ROBO1: variants seen among roughly 807,000 people sequenced by gnomAD.
ROBO1 encodes roundabout guidance receptor 1.
A neutral mutation model predicts 195.9 loss-of-function variants in ROBO1; 149 were observed. The observed-to-expected ratio is 0.76, with a 90% CI of 0.67 to 0.87. The LOEUF (loss-of-function observed/expected upper bound fraction) is 0.87, where lower values mean the gene tolerates loss of function less well. Among genes scored for constraint, ROBO1 ranks in the 40% least tolerant of loss-of-function variants. ROBO1 has a pLI of 0.00. For synonymous variants in ROBO1, 816 were observed against 733.2 expected (o/e 1.11, Z -1.82); for missense variants, 1,933 against 2,068.3 (o/e 0.93, Z 1.27).
At chr3:78,741,641 C>T (rs768153901) in intron 5 of ROBO1, among the ~76,000 whole-genome samples, 7 of 152,066 alleles carry the variant, frequency 4.6e-5, no homozygotes, top group Non-Finnish European at 7.4e-5. Flanking sequence ...TTAAAAATCG[C>T]TCTTTGTGAG....
Position 79,199,742 on chromosome 3 carries a change from T to A in ROBO1, c.89-74203A>T, listed in dbSNP as rs1248325258. 2.0e-5 allele frequency among the ~76,000 whole-genome samples: 3 copies of A among 151,812 alleles called. No individual in the cohort carries two copies. In the East Asian group the frequency reaches 5.8e-4, roughly 29 times the overall value. Reference sequence around the variant, plus strand: ...ACATTTTTAGGATGGGACACATTTTTCTATGTGGCTTGAGGATTCAATCGT... The same window carrying A: ...ACATTTTTAGGATGGGACACATTTTACTATGTGGCTTGAGGATTCAATCGT... On this transcript the variant is annotated intron_variant, in intron 2 of 30. Transcript: ENST00000464233.
chr3:79,677,429 G>A (rs1946816577), intron 1 of ROBO1, among the ~76,000 whole-genome samples: 1 of 151,916 alleles, frequency 6.6e-6, no homozygotes. Flanking sequence ...GAGGAGAAAG[G>A]CACATCGTAT....
intron 1 of ROBO1, among the ~76,000 whole-genome samples, chr3:79,753,733 T>C (rs1704244908): frequency 6.6e-6 from 1 of 152,138 alleles, no homozygotes; most frequent in Admixed American, 6.5e-5. Context: ...AATACACAGC[T>C]TTTGAAACAC....
intron 2 of ROBO1, among the ~76,000 whole-genome samples, chr3:79,224,616 T>C (rs2082194112): frequency 1.3e-5 from 2 of 152,218 alleles, no homozygotes; most frequent in Admixed American, 1.3e-4. Flanking sequence ...CCTCTAACCC[T>C]GGAGGGTCCC....
intron 3 of ROBO1, among the ~76,000 whole-genome samples, chr3:79,062,172 C>A (rs2078930941): frequency 6.6e-6 from 1 of 151,978 alleles, no homozygotes; most frequent in Admixed American, 6.6e-5. Flanking sequence ...ACAAACCCAT[C>A]AAAAAGTGGG....
At chr3:79,489,098 A>T (rs1939311099) in intron 2 of ROBO1, among the ~76,000 whole-genome samples, 1 of 150,110 alleles carries the variant, frequency 6.7e-6, no homozygotes, top group African/African-American at 2.5e-5. Context: ...GAAAATATAC[A>T]TATATAAGTA....
intron 4 of ROBO1, among the ~76,000 whole-genome samples, chr3:78,887,142 TA>T (rs1354387420): frequency 6.6e-6 from 1 of 152,124 alleles, no homozygotes; most frequent in East Asian, 1.9e-4. Context: ...ACAATAAAAT[TA>T]AAATCAGAAC....
intron 3 of ROBO1, among the ~76,000 whole-genome samples, chr3:78,972,702 T>C (rs1338964841): frequency 1.3e-5 from 2 of 152,174 alleles, no homozygotes; most frequent in African/African-American, 4.8e-5. Flanking sequence ...GGTGGCAATT[T>C]TTTGGTGATA....
chr3:79,749,314 G>A (rs560476312), intron 1 of ROBO1, among the ~76,000 whole-genome samples: 1 of 152,308 alleles, frequency 6.6e-6, no homozygotes, highest in African/African-American at 2.4e-5. Context: ...TATGGGTGCT[G>A]TTAAAAGCAT....
At chr3:79,553,781 T>G (rs1204858106) in intron 2 of ROBO1, among the ~76,000 whole-genome samples, 1 of 152,124 alleles carries the variant, frequency 6.6e-6, no homozygotes, top group South Asian at 2.1e-4. Context: ...CACGGGCCCA[T>G]GTTGAAAATT....
At chr3:79,016,980 G>GA (rs1189681524) in intron 3 of ROBO1, among the ~76,000 whole-genome samples, 1 of 152,126 alleles carries the variant, frequency 6.6e-6, no homozygotes, top group Non-Finnish European at 1.5e-5. Flanking sequence ...GCAAACTAAG[G>GA]AAAAATAAGG....
At chr3:79,053,445 A>G (rs1164792521) in intron 3 of ROBO1, among the ~76,000 whole-genome samples, 1 of 151,730 alleles carries the variant, frequency 6.6e-6, no homozygotes, top group Non-Finnish European at 1.5e-5. Context: ...TATATATGCT[A>G]ATTCTTCTCT....
At chr3:78,967,560 A>G (rs2076674667) in intron 3 of ROBO1, among the ~76,000 whole-genome samples, 1 of 152,204 alleles carries the variant, frequency 6.6e-6, no homozygotes, top group Non-Finnish European at 1.5e-5. Flanking sequence ...ACTTGGGAGT[A>G]GGAGACATAC....
chr3:78,990,882 G>C lies in ROBO1; in HGVS notation c.173-51955C>G, dbSNP rs187149185. 2.3e-3 allele frequency among the ~76,000 whole-genome samples: 343 copies of C among 152,192 alleles called. 1 individual carries two copies. Among genetic ancestry groups the C allele is most frequent in the African/African-American group, 7.8e-3 (323 of 41,530 alleles). ...TTTATAAATGAAACTTAGCAAGCAA[G>C]CTTAATAAAATAAAATGGCAAATAT... is the stretch of plus-strand genomic sequence containing the variant. On this transcript the variant is annotated intron_variant, in intron 3 of 30. Transcript: ENST00000464233.
intron 2 of ROBO1, among the ~76,000 whole-genome samples, chr3:79,324,948 T>C (rs1011120058): frequency 6.6e-6 from 1 of 152,194 alleles, no homozygotes; most frequent in South Asian, 2.1e-4. Flanking sequence ...TGAGAGTTGA[T>C]GGTTACTCCC....
intron 1 of ROBO1, among the ~76,000 whole-genome samples, chr3:79,703,991 A>AAT (rs575220708): frequency 6.6e-5 from 10 of 152,122 alleles, no homozygotes; most frequent in African/African-American, 1.7e-4. Context: ...CTACAGTCAT[A>AAT]ATATGAAAAT....
At chr3:79,741,450 G>A (rs921319259) in intron 1 of ROBO1, among the ~76,000 whole-genome samples, 4 of 152,018 alleles carry the variant, frequency 2.6e-5, no homozygotes, top group Non-Finnish European at 2.9e-5. Flanking sequence ...CCAGAACTCA[G>A]ATTTTGTTTC....
At chr3:78,636,948 T>TATACATAC (rs1705548251) in intron 22 of ROBO1, among the ~76,000 whole-genome samples, 1 of 107,472 alleles carries the variant, frequency 9.3e-6, no homozygotes, top group Non-Finnish European at 1.9e-5. Context: ...TATATATATA[T>TATACATAC]ATATATATAT....
Position 78,619,888 on chromosome 3 carries a change from C to T in ROBO1, c.3876-1847G>A, listed in dbSNP as rs1704347643. On this transcript the variant is annotated intron_variant, in intron 26 of 30. Coordinates refer to ENST00000464233, the MANE Select transcript of ROBO1 (RefSeq NM_002941.4). ...CAAAAATTAGCCGGGTGTGGTGGTG[C>T]ATGCCTGTAATCCCAGCTACTCGGG... Among the ~76,000 whole-genome samples the T allele has an allele frequency of 2.7e-5, 4 of 150,752 alleles. No individual in the cohort carries two copies. The South Asian group carries it at 8.4e-4, about 32-fold the overall frequency.
Sources: allele counts gnomAD v4.1 joint callset (sites outside exome capture counted in the v4.1 genomes callset), GRCh38; gene constraint gnomAD v4.1.1; transcripts MANE v1.5; gene names NCBI Gene and HGNC (gene_info 2026-07-23, HGNC 2026-07-21).